Variants in RBM25 observed in about 807,000 individuals in gnomAD.
RBM25 encodes the protein RNA binding motif protein 25, also known as RNA-binding protein 25.
A neutral mutation model predicts 120.7 loss-of-function variants in RBM25; 19 were observed. The observed-to-expected ratio is 0.16, with a 90% CI of 0.11 to 0.23. The LOEUF is 0.23. Ranked by LOEUF, RBM25 falls within the 10% of genes least tolerant of loss-of-function variation. The pLI is 1.00. For synonymous variants in RBM25, 390 were observed against 326.7 expected (o/e 1.19, Z -2.09); for missense variants, 605 against 1,041.5 (o/e 0.58, Z 5.77).
In RBM25 at chr14:73,080,601, A is replaced by G. The variant is rs577851039; in HGVS notation, c.325-2893A>G. Among the ~76,000 whole-genome samples, 12 of 152,212 alleles carry G rather than the reference A, an allele frequency of 7.9e-5. No homozygotes were observed. The South Asian group carries it at 2.5e-3, about 32-fold the overall frequency. ...TGTGAAATACCTTATTCCTATTTCAATATGCCTTTTTACTGTTCTTCATAA... is the reference window on the plus strand; with the variant it reads ...TGTGAAATACCTTATTCCTATTTCAGTATGCCTTTTTACTGTTCTTCATAA... On this transcript the variant is annotated intron_variant, in intron 4 of 18. Transcript: ENST00000261973.
chr14:73,109,262 A>C, intron 13 of RBM25, 80 bp from the exon 14 acceptor site: 1 of 1,450,664 alleles, frequency 6.9e-7, no homozygotes, highest in South Asian at 1.3e-5. Flanking sequence ...AATGTTGAAA[A>C]GAGGTGCTGT....
In RBM25 at chr14:73,096,909, T is replaced by C; in HGVS notation, c.544-6T>C. On this transcript the variant is annotated splice_region_variant and splice_polypyrimidine_tract_variant and intron_variant, in intron 6 of 18. Coordinates refer to ENST00000261973, the MANE Select transcript of RBM25 (RefSeq NM_021239.3). ...TCTTTCCCCTGAATTTGCTGTTTTG[T>C]TTAAGAATGCAAGGCCAGAAACTGT... The C allele has an allele frequency of 6.2e-7, 1 of 1,608,242 alleles. No homozygotes were observed. Among genetic ancestry groups the C allele is most frequent in the East Asian group, 2.2e-5 (1 of 44,828 alleles).
intron 2 of RBM25, among the ~76,000 whole-genome samples, chr14:73,075,221 G>A (rs1002987601): frequency 3.3e-5 from 5 of 152,018 alleles, no homozygotes; most frequent in Non-Finnish European, 7.4e-5. Context: ...GAGTGCAATG[G>A]TGTGATCTCG....
chr14:73,097,163 C>CCTG, intron 7 of RBM25, 63 bp downstream of exon 7: 1 of 714,210 alleles, frequency 1.4e-6, no homozygotes, highest in Non-Finnish European at 2.0e-6. Context: ...CACTCTTATA[C>CCTG]TTTGATTACA....
chr14:73,068,592 C>A, intron 1 of RBM25: 1 of 529,942 alleles, frequency 1.9e-6, no homozygotes, highest in Non-Finnish European at 3.6e-6. Context: ...TAGATCTGAC[C>A]ATGGCTCTGA....
chr14:73,101,670 T>C (rs992689725), intron 9 of RBM25: 4 of 152,054 alleles, frequency 2.6e-5, no homozygotes, highest in African/African-American at 9.7e-5. Context: ...CACAGTGAAA[T>C]AAGCAAGAAT....
intron 6 of RBM25, among the ~76,000 whole-genome samples, chr14:73,096,699 A>G (rs1045920704): frequency 2.6e-5 from 4 of 152,238 alleles, no homozygotes; most frequent in African/African-American, 4.8e-5. Context: ...TTTTTTAGCT[A>G]TTAAGAAAAA....
At chr14:73,113,500 G>A (rs961832342) in intron 17 of RBM25, among the ~76,000 whole-genome samples, 3 of 151,766 alleles carry the variant, frequency 2.0e-5, no homozygotes, top group East Asian at 2.0e-4. Context: ...AGACCAGCCC[G>A]GCCAATATGG....
intron 5 of RBM25, among the ~76,000 whole-genome samples, chr14:73,087,044 T>C (rs561050088): frequency 2.3e-4 from 21 of 90,026 alleles, no homozygotes; most frequent in Admixed American, 1.3e-3. Context: ...TTTGTCTTTA[T>C]GGTATATCAC....
chr14:73,071,520 A>G (rs540009818), intron 1 of RBM25, 107 bp from the exon 2 acceptor site: 59 of 769,620 alleles, frequency 7.7e-5, no homozygotes, highest in Non-Finnish European at 1.2e-4. Context: ...TTGGGTAAGA[A>G]AAGTTCAGAA....
intron 18 of RBM25, 52 bp downstream of exon 18, chr14:73,114,385 G>T: frequency 1.4e-6 from 2 of 1,385,630 alleles, no homozygotes; most frequent in Admixed American, 2.2e-5. Flanking sequence ...AAAAGTTTTT[G>T]GTTTTTTTTG....
intron 10 of RBM25, 106 bp from the exon 11 acceptor site, chr14:73,105,741 GCTAGATTCTGGC>G: frequency 6.9e-7 from 1 of 1,446,962 alleles, no homozygotes; most frequent in Non-Finnish European, 9.3e-7. Context: ...GAAATCAAGT[GCTAGATTCTGGC>G]CTGTGAGATT....
Position 73,106,287 on chromosome 14 carries a change from T to C in RBM25, c.1467+2T>C. On this transcript the variant is annotated splice_donor_variant, in intron 12 of 18. Coordinates refer to ENST00000261973, the MANE Select transcript of RBM25 (RefSeq NM_021239.3). LOFTEE classifies it high-confidence loss of function. ...GAAGAAGAAAGAAGAAGAGAAATGG[T>C]AAGATTCTAGGCTAAAATAAGTGAT... The C allele has an allele frequency of 6.3e-7, 1 of 1,578,486 alleles. No homozygotes were observed. The highest frequency in any genetic ancestry group is 8.6e-7 in the Non-Finnish European group (1 of 1,164,470).
intron 8 of RBM25, 52 bp downstream of exon 8, chr14:73,099,485 G>C: frequency 1.3e-6 from 2 of 1,592,328 alleles, no homozygotes; most frequent in Non-Finnish European, 1.7e-6. Context: ...GCTGATTGTT[G>C]ATTTGTCATT....
intron 9 of RBM25, chr14:73,100,721 A>G (rs1036174735): frequency 6.3e-6 from 1 of 158,432 alleles, no homozygotes; most frequent in Non-Finnish European, 1.4e-5. Flanking sequence ...CAGTTCACAA[A>G]TAATGCCAAT....
intron 6 of RBM25, among the ~76,000 whole-genome samples, chr14:73,092,379 A>G (rs1895838458): frequency 6.6e-6 from 1 of 152,054 alleles, no homozygotes; most frequent in African/African-American, 2.4e-5. Flanking sequence ...TAGTTGGAGA[A>G]ATTTAGAAAG....
At position 73,105,458 on chromosome 14, in the gene RBM25, C is replaced by A. The variant is rs575151192; in HGVS notation, c.1155-401C>A. On this transcript the variant is annotated intron_variant, in intron 10 of 18. Coordinates refer to ENST00000261973, the MANE Select transcript of RBM25 (RefSeq NM_021239.3). ...ACTCCTTGATCTCTAGTAAGCTAAA[C>A]TATCTCTTAACATATTCATTAGTCC... Among the ~76,000 whole-genome samples, 26 of 152,332 alleles carry A rather than the reference C, an allele frequency of 1.7e-4. 1 individual carries two copies. The South Asian group carries it at 5.2e-3, about 30-fold the overall frequency.
chr14:73,105,735 TC>T, intron 10 of RBM25, 123 bp from the exon 11 acceptor site: 2 of 1,421,996 alleles, frequency 1.4e-6, no homozygotes, highest in Non-Finnish European at 1.9e-6. Flanking sequence ...TTTATGGAAA[TC>T]AAGTGCTAGA....
intron 10 of RBM25, 119 bp downstream of exon 10, chr14:73,103,597 A>C (rs1896099247): frequency 2.1e-6 from 3 of 1,395,378 alleles, no homozygotes; most frequent in East Asian, 2.5e-5. Context: ...AGACATTCTC[A>C]CTCTGTCACT....
Sources: allele counts gnomAD v4.1 joint callset (sites outside exome capture counted in the v4.1 genomes callset), GRCh38; gene constraint gnomAD v4.1.1; transcripts MANE v1.5; gene names NCBI Gene and HGNC (gene_info 2026-07-23, HGNC 2026-07-21).